HTT-AS: variants seen among roughly 807,000 people sequenced by gnomAD.
The protein encoded by HTT-AS is HTT antisense RNA (head to head).
chr4:3,056,018 A>G (rs980558313), intron 2 of HTT-AS, among the ~76,000 whole-genome samples: 1 of 152,182 alleles, frequency 6.6e-6, no homozygotes, highest in African/African-American at 2.4e-5. Flanking sequence ...AGAGCTCGAA[A>G]CACAAACTGT....
At chr4:3,063,925 C>T (rs1189896944) in intron 1 of HTT-AS, among the ~76,000 whole-genome samples, 2 of 151,996 alleles carry the variant, frequency 1.3e-5, no homozygotes, top group African/African-American at 4.8e-5. Context: ...CACCCAGTTC[C>T]TGCCACAGAG....
exon 2 of HTT-AS, among the ~76,000 whole-genome samples, chr4:3,062,581 C>G (rs1395015854): frequency 1.3e-5 from 2 of 152,048 alleles, no homozygotes; most frequent in Non-Finnish European, 2.9e-5. Context: ...TTCTCGAAGT[C>G]TCAAACTTCA....
chr4:3,063,061 A>C (rs1711974909), exon 2 of HTT-AS, among the ~76,000 whole-genome samples: 1 of 152,138 alleles, frequency 6.6e-6, no homozygotes. Flanking sequence ...GGTCGGAGAC[A>C]CGACGTAGCC....
chr4:3,056,204 A>G (rs1395117317), intron 2 of HTT-AS, among the ~76,000 whole-genome samples: 1 of 152,190 alleles, frequency 6.6e-6, no homozygotes, highest in African/African-American at 2.4e-5. Flanking sequence ...ACTTCAGCCG[A>G]ATTAAATTTA....
intron 2 of HTT-AS, among the ~76,000 whole-genome samples, chr4:3,057,915 G>A (rs557163741): frequency 1.3e-5 from 2 of 151,924 alleles, no homozygotes; most frequent in African/African-American, 2.4e-5. Context: ...GAGCCACCAC[G>A]CCCTGCTGAT....
At chr4:3,071,158 A>G (rs575137232) in intron 1 of HTT-AS, among the ~76,000 whole-genome samples, 27 of 152,292 alleles carry the variant, frequency 1.8e-4, no homozygotes, top group Admixed American at 7.8e-4. Flanking sequence ...ATGGGTTGGA[A>G]TAATTTGGTT....
intron 1 of HTT-AS, among the ~76,000 whole-genome samples, chr4:3,071,005 GTCCAT>G (rs1712162189): frequency 6.6e-6 from 1 of 152,184 alleles, no homozygotes; most frequent in South Asian, 2.1e-4. Context: ...TGTCTTGACA[GTCCAT>G]TTCTGTAAGT....
chr4:3,062,034 A>G (rs1271634512), intron 2 of HTT-AS, among the ~76,000 whole-genome samples: 1 of 149,180 alleles, frequency 6.7e-6, no homozygotes, highest in South Asian at 2.1e-4. Context: ...ATATGCATCT[A>G]TCTCAGTGAG....
chr4:3,060,851 G>A (rs1054486801), intron 2 of HTT-AS, among the ~76,000 whole-genome samples: 2 of 152,204 alleles, frequency 1.3e-5, no homozygotes, highest in African/African-American at 2.4e-5. Context: ...AGGGTGGGCA[G>A]CTTCTTTGCA....
chr4:3,058,269 T>G (rs186788913), intron 2 of HTT-AS, among the ~76,000 whole-genome samples: 1 of 151,766 alleles, frequency 6.6e-6, no homozygotes, highest in African/African-American at 2.4e-5. Context: ...GAGGTTGTGG[T>G]GAGCCGAGAT....
At chr4:3,074,471 GCGCCTTCGCC>G (rs894376500) in exon 1 of HTT-AS, 9 of 221,734 alleles carry the variant, frequency 4.1e-5, no homozygotes, top group Non-Finnish European at 7.8e-5. Context: ...GTTGAGCCCC[GCGCCTTCGCC>G]CGGGTGGGGC....
At chr4:3,051,746 C>T (rs1029841623) in intron 2 of HTT-AS, among the ~76,000 whole-genome samples, 2 of 151,464 alleles carry the variant, frequency 1.3e-5, no homozygotes, top group Non-Finnish European at 1.5e-5. Flanking sequence ...TAGTGAATCT[C>T]GTAGGCTTTA....
intron 2 of HTT-AS, among the ~76,000 whole-genome samples, chr4:3,058,601 C>T (rs1711854363): frequency 6.6e-6 from 1 of 152,106 alleles, no homozygotes; most frequent in South Asian, 2.1e-4. Flanking sequence ...ACTATGAATG[C>T]CTAACCTCCT....
At chr4:3,052,041 G>C (rs1479020551) in intron 2 of HTT-AS, among the ~76,000 whole-genome samples, 1 of 152,196 alleles carries the variant, frequency 6.6e-6, no homozygotes, top group Non-Finnish European at 1.5e-5. Context: ...ATCTTGAGTA[G>C]TTACGAGGCT....
intron 2 of HTT-AS, among the ~76,000 whole-genome samples, chr4:3,059,443 G>C (rs987364692): frequency 2.0e-5 from 3 of 151,990 alleles, no homozygotes; most frequent in Non-Finnish European, 4.4e-5. Context: ...TTTGTTGGAA[G>C]TTTTTAACAT....
chr4:3,050,821 T>C (rs1578463920), intron 2 of HTT-AS, among the ~76,000 whole-genome samples: 2 of 152,266 alleles, frequency 1.3e-5, no homozygotes, highest in African/African-American at 4.8e-5. Context: ...TAACTTAACA[T>C]ATCAGATTAT....
intron 1 of HTT-AS, among the ~76,000 whole-genome samples, chr4:3,070,699 A>G (rs561814489): frequency 9.9e-5 from 15 of 152,160 alleles, no homozygotes; most frequent in Non-Finnish European, 2.1e-4. Context: ...CTGTGTCACA[A>G]GTGCTCATCT....
At chr4:3,048,020 C>T (rs1016578039), downstream of HTT-AS, among the ~76,000 whole-genome samples, 1 of 152,176 alleles carries the variant, frequency 6.6e-6, no homozygotes. Flanking sequence ...CACTCCTTAC[C>T]CTGCCCCCTT....
At chr4:3,047,720 C>A (rs560426291), downstream of HTT-AS, among the ~76,000 whole-genome samples, 5 of 152,344 alleles carry the variant, frequency 3.3e-5, no homozygotes, top group South Asian at 8.3e-4. Flanking sequence ...GGCCTGACAT[C>A]AGTCAGGCCC....
Sources: gnomAD v4.1 joint callset for allele counts (sites outside exome capture counted in the v4.1 genomes callset) on GRCh38, gnomAD v4.1.1 for gene constraint, MANE v1.5 for transcripts, NCBI Gene and HGNC (gene_info 2026-07-23, HGNC 2026-07-21) for gene names.